The following ZBTB7C variants were observed in gnomAD, a reference collection of about 807,000 sequenced individuals.
The protein encoded by ZBTB7C is zinc finger and BTB domain-containing protein 7C.
ZBTB7C carries 8 observed loss-of-function variants against 25.7 expected under a neutral mutation model. The observed-to-expected ratio is 0.31, with a 90% CI of 0.18 to 0.56. The LOEUF is 0.56. Ranked by LOEUF, ZBTB7C falls within the 20% of genes least tolerant of loss-of-function variation. The pLI is 0.91. For missense variants in ZBTB7C, 824 were observed against 855.2 expected, an observed-to-expected ratio of 0.96 and a Z score of 0.46; for synonymous variants, 394 against 369.0, an observed-to-expected ratio of 1.07 and a Z score of -0.78.
At chr18:48,039,271 CT>C (rs2036111277) in intron 4 of ZBTB7C, among the ~76,000 whole-genome samples, 1 of 152,212 alleles carries the variant, frequency 6.6e-6, no homozygotes, top group Admixed American at 6.5e-5. Context: ...ACAGGCATCT[CT>C]GCAGTCTACT....
chr18:48,187,547 C>T (rs1599061644), intron 2 of ZBTB7C, among the ~76,000 whole-genome samples: 1 of 152,136 alleles, frequency 6.6e-6, no homozygotes, highest in South Asian at 2.1e-4. Context: ...GGCATGGTGG[C>T]TCATGCTTGT....
At chr18:48,333,608 C>G (rs1335287551) in intron 2 of ZBTB7C, among the ~76,000 whole-genome samples, 1 of 152,194 alleles carries the variant, frequency 6.6e-6, no homozygotes, top group Non-Finnish European at 1.5e-5. Flanking sequence ...GCATTGTCCT[C>G]CAAATGTGCC....
At chr18:48,102,106 G>T (rs2038853435) in intron 3 of ZBTB7C, among the ~76,000 whole-genome samples, 2 of 152,114 alleles carry the variant, frequency 1.3e-5, no homozygotes, top group Admixed American at 6.6e-5. Flanking sequence ...GCTGAAGGAG[G>T]TCATCCTAAA....
At chr18:48,128,301 G>A (rs1374500020) in intron 3 of ZBTB7C, among the ~76,000 whole-genome samples, 1 of 152,214 alleles carries the variant, frequency 6.6e-6, no homozygotes, top group Non-Finnish European at 1.5e-5. Context: ...AATGTGGCAC[G>A]ATTAAAGTGG....
chr18:48,193,594 T>C (rs1023592000), intron 2 of ZBTB7C, among the ~76,000 whole-genome samples: 2 of 152,184 alleles, frequency 1.3e-5, no homozygotes, highest in Non-Finnish European at 2.9e-5. Context: ...TGTTTGTTAA[T>C]GGGGGCACTT....
At chr18:48,332,333 T>A (rs1393454045) in intron 2 of ZBTB7C, among the ~76,000 whole-genome samples, 1 of 152,214 alleles carries the variant, frequency 6.6e-6, no homozygotes, top group Admixed American at 6.5e-5. Context: ...GTTAGAGCTA[T>A]CACTTTATCA....
chr18:48,239,545 C>G (rs929847664), intron 2 of ZBTB7C, among the ~76,000 whole-genome samples: 4 of 152,194 alleles, frequency 2.6e-5, no homozygotes, highest in African/African-American at 9.6e-5. Flanking sequence ...CACCACAGGA[C>G]TCTTTGCAGA....
At chr18:48,204,471 G>A (rs1286899958) in intron 2 of ZBTB7C, among the ~76,000 whole-genome samples, 1 of 152,140 alleles carries the variant, frequency 6.6e-6, no homozygotes, top group Non-Finnish European at 1.5e-5. Flanking sequence ...TGGGAGACAA[G>A]GCCCATGCAG....
intron 2 of ZBTB7C, among the ~76,000 whole-genome samples, chr18:48,320,660 T>C (rs1350679743): frequency 6.6e-6 from 1 of 152,166 alleles, no homozygotes; most frequent in Non-Finnish European, 1.5e-5. Context: ...CTACCCTAAA[T>C]GCTATATCAG....
At chr18:48,141,152 C>G (rs550183425) in intron 3 of ZBTB7C, among the ~76,000 whole-genome samples, 5 of 145,724 alleles carry the variant, frequency 3.4e-5, no homozygotes, top group South Asian at 2.4e-4. Context: ...CACCACCCCC[C>G]CCACTGTTCC....
intron 2 of ZBTB7C, among the ~76,000 whole-genome samples, chr18:48,247,784 G>A (rs1440667639): frequency 2.0e-5 from 3 of 152,156 alleles, no homozygotes; most frequent in East Asian, 3.8e-4. Context: ...GAGTTCTCAC[G>A]AGATCTGAGG....
At chr18:48,097,677 G>A (rs971610798) in intron 3 of ZBTB7C, among the ~76,000 whole-genome samples, 12 of 152,090 alleles carry the variant, frequency 7.9e-5, no homozygotes, top group African/African-American at 2.7e-4. Flanking sequence ...GATTACAGGC[G>A]CGAGCTACGG....
At chr18:48,250,855 A>G (rs1278335569) in intron 2 of ZBTB7C, among the ~76,000 whole-genome samples, 1 of 151,646 alleles carries the variant, frequency 6.6e-6, no homozygotes, top group Non-Finnish European at 1.5e-5. Context: ...TCTATAGGAG[A>G]CAATCTCTGA....
intron 2 of ZBTB7C, among the ~76,000 whole-genome samples, chr18:48,243,270 CAAAAA>C (rs57410285): frequency 1.1e-5 from 1 of 88,306 alleles, no homozygotes; most frequent in African/African-American, 4.5e-5. Context: ...TACCCCCCCA[CAAAAA>C]AAAAAAAAAA....
chr18:48,065,295 G>C (rs1568189000), intron 3 of ZBTB7C, among the ~76,000 whole-genome samples: 1 of 152,130 alleles, frequency 6.6e-6, no homozygotes, highest in Non-Finnish European at 1.5e-5. Context: ...CTGAATACCA[G>C]AGCCTTGCTG....
At chr18:48,376,477 C>T (rs1315969072) in intron 1 of ZBTB7C, among the ~76,000 whole-genome samples, 2 of 152,212 alleles carry the variant, frequency 1.3e-5, no homozygotes, top group African/African-American at 4.8e-5. Context: ...AAGGGAAGGT[C>T]TCCGGTTGCC....
At chr18:48,229,077 C>T (rs1022489610) in intron 2 of ZBTB7C, among the ~76,000 whole-genome samples, 2 of 152,068 alleles carry the variant, frequency 1.3e-5, no homozygotes, top group East Asian at 1.9e-4. Flanking sequence ...TGCCAGATCC[C>T]AGTCAAAACA....
intron 3 of ZBTB7C, among the ~76,000 whole-genome samples, chr18:48,091,081 T>C (rs1598860081): frequency 2.0e-5 from 3 of 151,992 alleles, no homozygotes; most frequent in Admixed American, 2.0e-4. Context: ...TTTCTGTTTT[T>C]TTTTTTTTAA....
chr18:48,221,875 TC>T (rs143048010), intron 2 of ZBTB7C, among the ~76,000 whole-genome samples: 2 of 100,344 alleles, frequency 2.0e-5, no homozygotes, highest in Admixed American at 9.6e-5. Flanking sequence ...CTCTATACTG[TC>T]CTAGTCTCCT....
Sources: allele counts gnomAD v4.1 joint callset (sites outside exome capture counted in the v4.1 genomes callset), GRCh38; gene constraint gnomAD v4.1.1; transcripts MANE v1.5; gene names NCBI Gene and HGNC (gene_info 2026-07-23, HGNC 2026-07-21).